Variants in PLCXD3 observed in about 807,000 individuals in gnomAD.
PLCXD3 encodes PI-PLC X domain-containing protein 3.
PLCXD3 carries 19 observed loss-of-function variants against 25.5 expected under a neutral mutation model. The observed-to-expected ratio is 0.75, with a 90% CI of 0.52 to 1.09. PLCXD3 has a LOEUF of 1.09. Ranked by LOEUF, PLCXD3 falls within the 50% of genes least tolerant of loss-of-function variation. PLCXD3 has a pLI of 0.00. For missense variants in PLCXD3, 411 were observed against 388.1 expected, an observed-to-expected ratio of 1.06 and a Z score of -0.50; for synonymous variants, 174 against 137.6, an observed-to-expected ratio of 1.26 and a Z score of -1.85.
chr5:41,510,504 T>C lies in PLCXD3; in HGVS notation c.23A>G (p.Asn8Ser), dbSNP rs755862970. ...CATCCAGTCGGCTAATTTCAGCTCG[T>C]TTTTCCCCTGAGACGAGGCCATCGT... MASSQGK[N>S]ELKLADWMAT... Residue 8 changes from asparagine (N) to serine (S), a missense_variant, in exon 1 of 3, where the codon AAC becomes AGC. Coordinates refer to ENST00000377801, the MANE Select transcript of PLCXD3 (RefSeq NM_001005473.3). 3 of 1,612,880 alleles carry C rather than the reference T, an allele frequency of 1.9e-6. No individual in the cohort carries two copies. The highest frequency in any genetic ancestry group is 2.5e-6 in the Non-Finnish European group (3 of 1,179,368).
intron 1 of PLCXD3, chr5:41,475,651 G>A (rs1388569518): frequency 1.9e-6 from 1 of 534,572 alleles, no homozygotes. Context: ...GTTTGTCCCT[G>A]TTCAGGCGCC....
intron 1 of PLCXD3, among the ~76,000 whole-genome samples, chr5:41,489,655 A>C (rs1006069737): frequency 6.6e-6 from 1 of 151,878 alleles, no homozygotes; most frequent in African/African-American, 2.4e-5. Flanking sequence ...CATCCCTTGT[A>C]AGTTGGATTC....
rs150359331 is a variant in PLCXD3 at position 41,455,965 on chromosome 5, A to G, written c.103+54459T>C. On this transcript the variant is annotated intron_variant, in intron 1 of 2. Transcript: ENST00000377801. ...CATGTAAGATTGTCGCAAAGAATAGAATCATTTAAAATACAAGGTGTTACT... is the reference window on the plus strand; with the variant it reads ...CATGTAAGATTGTCGCAAAGAATAGGATCATTTAAAATACAAGGTGTTACT... 1.8e-3 allele frequency among the ~76,000 whole-genome samples: 274 copies of G among 152,088 alleles called. 2 individuals are homozygous for G. The highest frequency in any genetic ancestry group is 6.4e-3 in the African/African-American group (265 of 41,520).
chr5:41,392,372 T>C (rs951317129), intron 1 of PLCXD3, among the ~76,000 whole-genome samples: 3 of 152,140 alleles, frequency 2.0e-5, no homozygotes, highest in African/African-American at 7.2e-5. Context: ...AGAGAGACTC[T>C]GTATATTTGG....
rs552289270 is a variant in PLCXD3 at position 41,370,363 on chromosome 5, C to A, written c.812+11463G>T. On this transcript the variant is annotated intron_variant, in intron 2 of 2. Transcript: ENST00000377801. ...TATTTTCTGTAAAATCCTCCAAGGT[C>A]AGGTATTCTGAGAAAATTTTATAGT... 7.2e-5 allele frequency among the ~76,000 whole-genome samples: 11 copies of A among 152,200 alleles called. No individual in the cohort carries two copies. The East Asian group carries it at 1.9e-3, about 27-fold the overall frequency.
intron 1 of PLCXD3, among the ~76,000 whole-genome samples, chr5:41,498,934 G>T (rs1748895043): frequency 6.6e-6 from 1 of 151,588 alleles, no homozygotes; most frequent in Non-Finnish European, 1.5e-5. Flanking sequence ...TGCAGGAGAA[G>T]CATTTGATAA....
intron 2 of PLCXD3, among the ~76,000 whole-genome samples, chr5:41,364,594 T>A (rs1744883435): frequency 6.6e-6 from 1 of 152,196 alleles, no homozygotes; most frequent in African/African-American, 2.4e-5. Flanking sequence ...TCCCACTCTA[T>A]ATTATTAGAT....
At chr5:41,333,485 G>C (rs374158784) in intron 2 of PLCXD3, among the ~76,000 whole-genome samples, 1 of 152,126 alleles carries the variant, frequency 6.6e-6, no homozygotes, top group African/African-American at 2.4e-5. Context: ...AAACAATGGT[G>C]AGGGGTTCAA....
intron 1 of PLCXD3, among the ~76,000 whole-genome samples, chr5:41,418,446 G>T (rs1746742169): frequency 6.6e-6 from 1 of 152,190 alleles, no homozygotes; most frequent in Non-Finnish European, 1.5e-5. Flanking sequence ...TGTGAAAGCA[G>T]AGGGATAAGA....
chr5:41,379,573 A>G lies in PLCXD3; in HGVS notation c.812+2253T>C, dbSNP rs528717971. Among the ~76,000 whole-genome samples, 26 of 152,198 alleles carry G rather than the reference A, an allele frequency of 1.7e-4. No individual in the cohort carries two copies. The South Asian group carries it at 5.2e-3, about 30-fold the overall frequency. The stretch of plus-strand genomic sequence containing the variant: ...TGAAAAATGGTAAAGGAGAAGATTC[A>G]GTCAGAGGATATGAGGCTGAGGTGT... On this transcript the variant is annotated intron_variant, in intron 2 of 2. Coordinates refer to ENST00000377801, the MANE Select transcript of PLCXD3 (RefSeq NM_001005473.3).
At chr5:41,474,553 G>A (rs904550764) in intron 1 of PLCXD3, among the ~76,000 whole-genome samples, 1 of 152,166 alleles carries the variant, frequency 6.6e-6, no homozygotes, top group African/African-American at 2.4e-5. Flanking sequence ...TACGGTACAG[G>A]TGGGTCCACT....
chr5:41,371,214 A>G (rs1426776644), intron 2 of PLCXD3, among the ~76,000 whole-genome samples: 6 of 152,172 alleles, frequency 3.9e-5, no homozygotes, highest in Non-Finnish European at 5.9e-5. Context: ...AGACTAATTT[A>G]TACTAGAGGC....
intron 2 of PLCXD3, among the ~76,000 whole-genome samples, chr5:41,373,551 T>C (rs1051513774): frequency 6.6e-6 from 1 of 152,164 alleles, no homozygotes; most frequent in Non-Finnish European, 1.5e-5. Flanking sequence ...CAGTTTCTAC[T>C]GGAGGCTACA....
At chr5:41,331,966 G>A (rs530750388) in intron 2 of PLCXD3, among the ~76,000 whole-genome samples, 3 of 152,070 alleles carry the variant, frequency 2.0e-5, no homozygotes, top group South Asian at 4.1e-4. Flanking sequence ...AGACTTAAAC[G>A]TTAGACCTAA....
chr5:41,359,394 T>C (rs1248522887), intron 2 of PLCXD3, among the ~76,000 whole-genome samples: 1 of 152,118 alleles, frequency 6.6e-6, no homozygotes, highest in East Asian at 1.9e-4. Context: ...AACCTTGCTG[T>C]TTGTTATTGG....
chr5:41,408,923 A>G (rs1746434751), intron 1 of PLCXD3, among the ~76,000 whole-genome samples: 1 of 152,218 alleles, frequency 6.6e-6, no homozygotes, highest in Non-Finnish European at 1.5e-5. Context: ...AGATGTGGCA[A>G]AGATGAGGAA....
At chr5:41,330,027 T>C (rs1029641950) in intron 2 of PLCXD3, among the ~76,000 whole-genome samples, 3 of 151,988 alleles carry the variant, frequency 2.0e-5, no homozygotes, top group Admixed American at 6.6e-5. Context: ...TTGTGGATAA[T>C]AAAAAATTTG....
chr5:41,492,122 C>A (rs1748712887), intron 1 of PLCXD3, among the ~76,000 whole-genome samples: 1 of 152,300 alleles, frequency 6.6e-6, no homozygotes, highest in South Asian at 2.1e-4. Flanking sequence ...TCTTTTAGGG[C>A]AGTCCTGGTG....
At chr5:41,349,849 C>T (rs893821045) in intron 2 of PLCXD3, among the ~76,000 whole-genome samples, 5 of 152,102 alleles carry the variant, frequency 3.3e-5, no homozygotes, top group African/African-American at 1.2e-4. Flanking sequence ...GGATACTCTG[C>T]TTACTTCCCT....
Sources: allele counts gnomAD v4.1 joint callset (sites outside exome capture counted in the v4.1 genomes callset), GRCh38; gene constraint gnomAD v4.1.1; transcripts MANE v1.5; gene names NCBI Gene and HGNC (gene_info 2026-07-23, HGNC 2026-07-21).